Variants in UNC80 observed in about 807,000 individuals in gnomAD.
The protein encoded by UNC80 is protein unc-80 homolog.
Under a neutral mutation model 384.6 loss-of-function variants are expected in UNC80, and 164 were observed. The observed-to-expected ratio is 0.43, with a 90% confidence interval of 0.38 to 0.49. UNC80 has a LOEUF of 0.49. UNC80 is among the 20% of genes least tolerant of loss of function. The pLI is 0.00. For missense variants in UNC80, 3,330 were observed against 4,143.0 expected, an observed-to-expected ratio of 0.80 and a Z score of 5.39; for synonymous variants, 1,486 against 1,527.8, an observed-to-expected ratio of 0.97 and a Z score of 0.64.
intron 42 of UNC80, among the ~76,000 whole-genome samples, chr2:209,938,406 A>G (rs2091389152): frequency 6.6e-6 from 1 of 152,192 alleles, no homozygotes. Flanking sequence ...TTTGCCTTCA[A>G]AATATCCAAA....
chr2:209,808,653 G>A (rs2079081193), intron 7 of UNC80, among the ~76,000 whole-genome samples: 1 of 152,088 alleles, frequency 6.6e-6, no homozygotes, highest in African/African-American at 2.4e-5. Flanking sequence ...AAGTGATAAA[G>A]AGGCGTGGCC....
At chr2:209,783,644 G>A (rs2077267993) in intron 4 of UNC80, among the ~76,000 whole-genome samples, 1 of 152,124 alleles carries the variant, frequency 6.6e-6, no homozygotes, top group Non-Finnish European at 1.5e-5. Flanking sequence ...AGTGAGTGCT[G>A]TGTCATGCTA....
intron 51 of UNC80, among the ~76,000 whole-genome samples, chr2:209,960,607 G>T (rs1433350543): frequency 6.6e-6 from 1 of 151,118 alleles, no homozygotes; most frequent in African/African-American, 2.5e-5. Flanking sequence ...ACAGTTTCCT[G>T]GTTATTGCCT....
chr2:209,994,114 A>G lies in UNC80; in HGVS notation c.9558A>G (p.Ala3186=). The G allele has an allele frequency of 6.4e-7, 1 of 1,551,706 alleles. No homozygotes were observed. ...VTFIEAQPEP[A]AAPTDALPAT... ...TCATTGAGGCTCAGCCAGAGCCAGC[A>G]GCTGCCCCAACAGATGCGCTTCCTG... Residue 3186 remains alanine (A), a synonymous_variant, in exon 64 of 65, where the codon GCA becomes GCG. Transcript: ENST00000673920.
rs528233725 is a variant in UNC80 at position 209,934,541 on chromosome 2, T to C, written c.6178+536T>C. On this transcript the variant is annotated intron_variant, in intron 39 of 64. Transcript: ENST00000673920. ...CAAAGATTTGGACAATTCTTTATCC[T>C]TGTGCAGTGACTAAGAAAATTTGAG... 1.6e-4 allele frequency among the ~76,000 whole-genome samples: 25 copies of C among 152,306 alleles called. No individual in the cohort carries two copies. The South Asian group carries it at 5.2e-3, about 32-fold the overall frequency.
In UNC80 at chr2:209,941,412, G is replaced by A. The variant is rs1314338608; in HGVS notation, c.6838G>A (p.Val2280Ile). The change falls in exon 44 of 65, where the codon GTC (valine) becomes ATC (isoleucine). Residue 2280 changes from valine (V) to isoleucine (I), a missense_variant. Physicochemically the swap from Val to Ile is conservative, Grantham distance 29. This residue lies in a region of UNC80 where 1,049 missense variants were observed against 1,488.6 expected (regional missense o/e 0.70). Transcript: ENST00000673920. ...CCTGCTCAGGCAGTATGCTGCCACC[G>A]TCATCAACACCGCGGTGCACTTCAA... is the stretch of plus-strand genomic sequence containing the variant. ...SALLRQYAAT[V>I]INTAVHFNHL... The A allele has an allele frequency of 4.5e-6, 7 of 1,550,672 alleles. No individual in the cohort carries two copies. The highest frequency in any genetic ancestry group is 1.4e-5 in the African/African-American group (1 of 73,122).
chr2:209,973,394 CAGAA>C (rs2092932416), intron 56 of UNC80, 124 bp downstream of exon 56: 12 of 962,896 alleles, frequency 1.2e-5, no homozygotes, highest in African/African-American at 3.3e-5. Context: ...CAACTTAACT[CAGAA>C]AGAATTTAGA....
intron 19 of UNC80, 30 bp from the exon 20 acceptor site, chr2:209,840,512 A>G (rs1356103517): frequency 2.6e-6 from 4 of 1,524,966 alleles, no homozygotes; most frequent in Non-Finnish European, 3.6e-6. Flanking sequence ...AAAATGCTAC[A>G]TTGATCTAAG....
intron 16 of UNC80, among the ~76,000 whole-genome samples, chr2:209,832,095 G>A (rs2081014223): frequency 6.6e-6 from 1 of 152,094 alleles, no homozygotes; most frequent in South Asian, 2.1e-4. Context: ...GGAAGAACCA[G>A]GTTATAAAAG....
At chr2:209,854,497 A>C (rs1312253919) in intron 22 of UNC80, among the ~76,000 whole-genome samples, 2 of 152,178 alleles carry the variant, frequency 1.3e-5, no homozygotes, top group African/African-American at 4.8e-5. Flanking sequence ...AAAAGAAACT[A>C]TCATCAGAAT....
chr2:209,895,465 ACTT>A (rs2086715916), intron 27 of UNC80, among the ~76,000 whole-genome samples: 1 of 152,222 alleles, frequency 6.6e-6, no homozygotes, highest in South Asian at 2.1e-4. Flanking sequence ...TTTATGCATT[ACTT>A]AAGATTCAGC....
Position 209,943,871 on chromosome 2 carries a change from C to T in UNC80, c.7050+357C>T, listed in dbSNP as rs189331420. The stretch of plus-strand genomic sequence containing the variant: ...TATGCCAGTCCTGGTTACTTTGGGC[C>T]AGTTGTTACAGAGGTTATTGTTTGG... On this transcript the variant is annotated intron_variant, in intron 45 of 64. Coordinates refer to ENST00000673920, the MANE Select transcript of UNC80 (RefSeq NM_001371986.1). Among the ~76,000 whole-genome samples the T allele has an allele frequency of 2.6e-5, 4 of 152,252 alleles. No individual in the cohort carries two copies. The East Asian group carries it at 5.8e-4, about 22-fold the overall frequency.
At chr2:209,817,724 T>C (rs969199982) in intron 10 of UNC80, 88 bp from the exon 11 acceptor site, 1 of 1,479,138 alleles carries the variant, frequency 6.8e-7, no homozygotes, top group Non-Finnish European at 9.1e-7. Flanking sequence ...CCCCACACTC[T>C]CCCTGCTGTC....
intron 7 of UNC80, among the ~76,000 whole-genome samples, chr2:209,811,728 C>A (rs1360569534): frequency 2.0e-5 from 3 of 152,068 alleles, no homozygotes; most frequent in African/African-American, 7.2e-5. Context: ...TCAAAATATT[C>A]AAGAATATTA....
At chr2:209,975,939 C>A (rs570866404) in intron 56 of UNC80, among the ~76,000 whole-genome samples, 180 bp from the exon 57 acceptor site, 1 of 152,124 alleles carries the variant, frequency 6.6e-6, no homozygotes, top group Admixed American at 6.5e-5. Flanking sequence ...TTAGCATACA[C>A]GTTTTTGTCT....
At position 209,933,886 on chromosome 2, in the gene UNC80, C is replaced by T; in HGVS notation, c.6059C>T (p.Thr2020Ile). The T allele has an allele frequency of 6.4e-7, 1 of 1,551,334 alleles. No individual in the cohort carries two copies. The highest frequency in any genetic ancestry group is 8.7e-7 in the Non-Finnish European group (1 of 1,146,834). Residue 2020 changes from threonine (T) to isoleucine (I), a missense_variant, in exon 39 of 65, where the codon ACC becomes ATC. By Grantham distance (89) the Thr-to-Ile change is moderately conservative. Transcript: ENST00000673920. The part of the protein sequence containing the change: ...CEWGMDAISA[T>I]LTFLWEVVGY... ...TGGGGGATGGATGCCATTTCAGCCA[C>T]CCTGACATTCCTGTGGGAGGTGGTG...
chr2:209,803,353 C>T (rs2078680071), intron 7 of UNC80, among the ~76,000 whole-genome samples: 2 of 152,160 alleles, frequency 1.3e-5, no homozygotes, highest in Middle Eastern at 3.2e-3. Context: ...TGACCACCAG[C>T]ACCTCCACAA....
At chr2:209,783,839 T>A (rs1397169892) in intron 4 of UNC80, among the ~76,000 whole-genome samples, 1 of 152,184 alleles carries the variant, frequency 6.6e-6, no homozygotes, top group Non-Finnish European at 1.5e-5. Context: ...GAGACAAATC[T>A]GATAAGATTT....
At chr2:209,809,980 C>T (rs983426045) in intron 7 of UNC80, among the ~76,000 whole-genome samples, 2 of 152,176 alleles carry the variant, frequency 1.3e-5, no homozygotes, top group African/African-American at 2.4e-5. Flanking sequence ...GGGGACCCTC[C>T]CCACTCCTTC....
Sources: allele counts gnomAD v4.1 joint callset (sites outside exome capture counted in the v4.1 genomes callset), GRCh38; gene constraint gnomAD v4.1.1; regional missense constraint gnomAD v4.1.1; transcripts MANE v1.5; gene names NCBI Gene and HGNC (gene_info 2026-07-23, HGNC 2026-07-21).